The following CLVS2 variants were observed in gnomAD, a reference collection of about 807,000 sequenced individuals.
CLVS2 encodes the protein clavesin-2.
CLVS2 carries 19 observed loss-of-function variants against 29.0 expected under a neutral mutation model. The observed-to-expected ratio is 0.66, with a 90% confidence interval of 0.46 to 0.96. The LOEUF (loss-of-function observed/expected upper bound fraction) is 0.96. Among genes scored for constraint, CLVS2 ranks in the 40% least tolerant of loss-of-function variants. The pLI is 0.00. For missense variants in CLVS2, 294 were observed against 404.1 expected (o/e 0.73, Z 2.34); for synonymous variants, 161 against 151.3 (o/e 1.06, Z -0.47).
intron 2 of CLVS2, among the ~76,000 whole-genome samples, chr6:123,002,001 T>C (rs1232650806): frequency 6.6e-6 from 1 of 152,254 alleles, no homozygotes; most frequent in Non-Finnish European, 1.5e-5. Context: ...ATTAGAAGTA[T>C]GTACTTCACT....
chr6:123,040,722 C>A (rs1018683152), intron 3 of CLVS2, among the ~76,000 whole-genome samples: 5 of 150,210 alleles, frequency 3.3e-5, no homozygotes, highest in Admixed American at 6.7e-5. Flanking sequence ...GAGCCGAGAT[C>A]GCGCCATTGC....
At chr6:123,060,125 T>A (rs190403206) in intron 5 of CLVS2, among the ~76,000 whole-genome samples, 1 of 152,358 alleles carries the variant, frequency 6.6e-6, no homozygotes, top group Non-Finnish European at 1.5e-5. Flanking sequence ...CTTTTCTTTT[T>A]GTAGTTTTAT....
rs150019830 is a variant in CLVS2, at chr6:123,065,102, G to T, written c.*1341G>T. The stretch of plus-strand genomic sequence containing the variant: ...TTCAGGAGATATAATGAAATTATTG[G>T]AAGGCATCTATGACAACATGTAATC... On this transcript the variant is annotated 3_prime_UTR_variant, in exon 6 of 6. Transcript: ENST00000275162. The T allele has an allele frequency of 6.2e-4, 94 of 151,812 alleles. No individual in the cohort carries two copies. Among genetic ancestry groups the T allele is most frequent in the African/African-American group, 2.2e-3 (91 of 41,458 alleles). The allele number at this position is 151,812 out of a possible 1,614,324, so 9.4% of individuals were successfully genotyped here.
chr6:123,029,731 T>C (rs760063460), intron 3 of CLVS2, among the ~76,000 whole-genome samples: 36 of 152,302 alleles, frequency 2.4e-4, no homozygotes, highest in Non-Finnish European at 4.3e-4. Context: ...GATAGATAAA[T>C]CTAGCATCCC....
rs887710219 is a variant in CLVS2 at position 123,067,926 on chromosome 6, A to G, written c.*4165A>G. On this transcript the variant is annotated 3_prime_UTR_variant, in exon 6 of 6. Coordinates refer to ENST00000275162, the MANE Select transcript of CLVS2 (RefSeq NM_001010852.4). ...CTGGAACTATTTGACATTATTTGCT[A>G]CATGAAAAAAGGCAAATAAGTAAAC... The G allele has an allele frequency of 6.6e-6, 1 of 151,752 alleles. No individual in the cohort carries two copies. The highest frequency in any genetic ancestry group is 1.5e-5 in the Non-Finnish European group (1 of 67,716). The allele number at this position is 151,752 out of a possible 1,614,324, so 9.4% of individuals were successfully genotyped here. A position where few individuals can be genotyped will look rare whatever the true frequency, so the allele number is the denominator to read the frequency against.
intron 5 of CLVS2, among the ~76,000 whole-genome samples, chr6:123,063,201 G>A (rs531822752): frequency 8.6e-5 from 13 of 151,752 alleles, no homozygotes; most frequent in South Asian, 6.2e-4. Flanking sequence ...AAAAAATGAC[G>A]GTCAAAAAAG....
intron 3 of CLVS2, among the ~76,000 whole-genome samples, chr6:123,025,145 G>T (rs922672304): frequency 1.3e-5 from 2 of 152,078 alleles, no homozygotes; most frequent in Admixed American, 1.3e-4. Context: ...AACTAAACAC[G>T]AGAATAAGGG....
At chr6:123,012,943 T>C (rs1235210737) in intron 3 of CLVS2, among the ~76,000 whole-genome samples, 2 of 152,062 alleles carry the variant, frequency 1.3e-5, no homozygotes, top group East Asian at 3.9e-4. Flanking sequence ...TTTAAACTCA[T>C]TTTTATTTTA....
chr6:123,034,743 A>C (rs1400735498), intron 3 of CLVS2, among the ~76,000 whole-genome samples: 1 of 152,154 alleles, frequency 6.6e-6, no homozygotes, highest in East Asian at 1.9e-4. Flanking sequence ...TTGGTGGCAT[A>C]TGAACAGGCT....
chr6:123,010,913 C>A, intron 2 of CLVS2, 72 bp from the exon 3 acceptor site: 1 of 1,017,588 alleles, frequency 9.8e-7, no homozygotes, highest in Non-Finnish European at 1.4e-6. Flanking sequence ...TTTTAGTGTG[C>A]TAGAAAATAT....
At chr6:123,020,164 A>G (rs1184273892) in intron 3 of CLVS2, among the ~76,000 whole-genome samples, 1 of 152,100 alleles carries the variant, frequency 6.6e-6, no homozygotes, top group Non-Finnish European at 1.5e-5. Context: ...AATTATCACA[A>G]TAGCTACATA....
In CLVS2 at chr6:123,066,270, C is replaced by A. The variant is rs936811128; in HGVS notation, c.*2509C>A. 5.3e-5 allele frequency: 8 copies of A among 151,538 alleles called. No individual in the cohort carries two copies. The highest frequency in any genetic ancestry group is 1.0e-4 in the Non-Finnish European group (7 of 67,730). 9.4% of individuals were successfully genotyped at this position (151,538 alleles called of 1,614,324 possible). A position where few individuals can be genotyped will look rare whatever the true frequency, so the allele number is the denominator to read the frequency against. On this transcript the variant is annotated 3_prime_UTR_variant, in exon 6 of 6. Transcript: ENST00000275162. Reference sequence around the variant, plus strand: ...GTCACATCCTATGTCTATGAATAACCTATACACTATAGTTGTATGCCTATA... The same window carrying A: ...GTCACATCCTATGTCTATGAATAACATATACACTATAGTTGTATGCCTATA...
rs1331560847 is a variant in CLVS2, at chr6:123,049,600, C to T, written c.675+868C>T. ...AGCCCCATGTATAGAGCTATTTTTACTTCCTGGTGCTGTTCCCAGTTTTCG... is the reference window on the plus strand; with the variant it reads ...AGCCCCATGTATAGAGCTATTTTTATTTCCTGGTGCTGTTCCCAGTTTTCG... On this transcript the variant is annotated intron_variant, in intron 4 of 5. Coordinates refer to ENST00000275162, the MANE Select transcript of CLVS2 (RefSeq NM_001010852.4). Among the ~76,000 whole-genome samples, 7 of 152,158 alleles carry T rather than the reference C, an allele frequency of 4.6e-5. No homozygotes were observed. In the South Asian group the frequency reaches 1.2e-3, roughly 27 times the overall value.
intron 5 of CLVS2, among the ~76,000 whole-genome samples, 166 bp from the exon 6 acceptor site, chr6:123,063,508 C>T (rs1474206749): frequency 6.6e-6 from 1 of 152,056 alleles, no homozygotes; most frequent in Non-Finnish European, 1.5e-5. Flanking sequence ...AAAACATCAC[C>T]AGCAGTGGTT....
chr6:123,019,915 A>T (rs1016384712), intron 3 of CLVS2, among the ~76,000 whole-genome samples: 1 of 152,016 alleles, frequency 6.6e-6, no homozygotes, highest in African/African-American at 2.4e-5. Context: ...AAGGCAGGAG[A>T]TGATCAGTGT....
intron 2 of CLVS2, among the ~76,000 whole-genome samples, chr6:123,006,260 G>GT (rs1319456137): frequency 2.0e-5 from 3 of 152,174 alleles, no homozygotes; most frequent in African/African-American, 7.2e-5. Context: ...GTACCAGCTT[G>GT]TTGGGGGTTG....
chr6:123,016,615 G>T (rs1774838287), intron 3 of CLVS2, among the ~76,000 whole-genome samples: 1 of 152,050 alleles, frequency 6.6e-6, no homozygotes, highest in Admixed American at 6.6e-5. Context: ...GGCATGGCTT[G>T]CTGGCAAGGG....
intron 2 of CLVS2, among the ~76,000 whole-genome samples, chr6:123,006,797 G>T (rs974674389): frequency 6.6e-6 from 1 of 152,164 alleles, no homozygotes; most frequent in East Asian, 1.9e-4. Flanking sequence ...CTAGCTCTGT[G>T]GATATCGAGC....
At chr6:123,058,701 A>C (rs1457368053) in intron 5 of CLVS2, among the ~76,000 whole-genome samples, 2 of 152,006 alleles carry the variant, frequency 1.3e-5, no homozygotes, top group East Asian at 3.9e-4. Flanking sequence ...CCCAGGCTGG[A>C]GCGCAGTGGC....
Sources: allele counts gnomAD v4.1 joint callset (sites outside exome capture counted in the v4.1 genomes callset), GRCh38; gene constraint gnomAD v4.1.1; transcripts MANE v1.5; gene names NCBI Gene and HGNC (gene_info 2026-07-23, HGNC 2026-07-21).